HECW2: variants seen among roughly 807,000 people sequenced by gnomAD.
The protein encoded by HECW2 is E3 ubiquitin-protein ligase HECW2.
Under a neutral mutation model 175.2 loss-of-function variants are expected in HECW2, and 61 were observed. The ratio of observed to expected loss-of-function variants is 0.35; its 90% CI spans 0.28 to 0.43. The LOEUF (loss-of-function observed/expected upper bound fraction) is 0.43, where lower values mean the gene tolerates loss of function less well. Ranked by LOEUF, HECW2 falls within the 20% of genes least tolerant of loss-of-function variation. HECW2 has a pLI of 1.00. For missense variants in HECW2, 1,524 were observed against 2,000.5 expected (o/e 0.76, Z 4.54); for synonymous variants, 671 against 731.0 (o/e 0.92, Z 1.32).
chr2:196,580,542 G>A (rs1176302376), intron 1 of HECW2, among the ~76,000 whole-genome samples: 1 of 150,594 alleles, frequency 6.6e-6, no homozygotes, highest in African/African-American at 2.4e-5. Flanking sequence ...ATTCCTCAAA[G>A]AAGATAGTTA....
chr2:196,458,436 T>TCACACA (rs34752264), intron 1 of HECW2, among the ~76,000 whole-genome samples: 88 of 146,906 alleles, frequency 6.0e-4, no homozygotes, highest in East Asian at 8.0e-4. Flanking sequence ...TCTCACTCAC[T>TCACACA]CACACACACA....
At chr2:196,556,692 T>A (rs1212040823) in intron 1 of HECW2, among the ~76,000 whole-genome samples, 1 of 152,170 alleles carries the variant, frequency 6.6e-6, no homozygotes, top group African/African-American at 2.4e-5. Flanking sequence ...ATCTGTGGGA[T>A]TAAAGTACGT....
At chr2:196,528,454 A>T (rs1437073511) in intron 1 of HECW2, among the ~76,000 whole-genome samples, 2 of 152,158 alleles carry the variant, frequency 1.3e-5, no homozygotes, top group African/African-American at 4.8e-5. Flanking sequence ...TTTAAAACTG[A>T]TTTGTTGCCA....
At chr2:196,433,093 T>C (rs1695762709) in intron 2 of HECW2, 39 bp downstream of exon 2, 5 of 1,539,770 alleles carry the variant, frequency 3.2e-6, no homozygotes, top group Middle Eastern at 1.7e-4. Context: ...AAAACTTGTA[T>C]GCTCTGAGTC....
chr2:196,437,375 G>C (rs930282904), intron 1 of HECW2, among the ~76,000 whole-genome samples: 4 of 151,952 alleles, frequency 2.6e-5, no homozygotes, highest in African/African-American at 9.7e-5. Flanking sequence ...ACTTTGGGAG[G>C]CTGAGGCAGT....
intron 1 of HECW2, among the ~76,000 whole-genome samples, chr2:196,561,134 A>C (rs1480190496): frequency 6.6e-6 from 1 of 152,226 alleles, no homozygotes; most frequent in East Asian, 1.9e-4. Flanking sequence ...TTCTTTCCCC[A>C]GTAAGGAATA....
intron 2 of HECW2, among the ~76,000 whole-genome samples, chr2:196,359,572 C>T (rs1693511949): frequency 6.6e-6 from 1 of 152,212 alleles, no homozygotes; most frequent in Admixed American, 6.5e-5. Flanking sequence ...GTTACTTTTA[C>T]ATTGCACCTA....
In HECW2 at chr2:196,337,728, G is replaced by A. The variant is rs549815685; in HGVS notation, c.401-3210C>T. Among the ~76,000 whole-genome samples the A allele has an allele frequency of 1.6e-4, 24 of 151,302 alleles. No individual in the cohort carries two copies. In the East Asian group the frequency reaches 4.5e-3, roughly 28 times the overall value. ...TTTTGAATTCACTAATCGAAAGCAT[G>A]TTGCCTCAGAGGGCAGTGAGCTAGG... is the stretch of plus-strand genomic sequence containing the variant. On this transcript the variant is annotated intron_variant, in intron 3 of 28. Coordinates refer to ENST00000644978, the MANE Select transcript of HECW2 (RefSeq NM_001348768.2).
chr2:196,584,590 A>T (rs79691854), intron 1 of HECW2, among the ~76,000 whole-genome samples: 8 of 2,978 alleles, frequency 2.7e-3, no homozygotes, highest in African/African-American at 0.013. Context: ...CTATAAATTA[A>T]AAAAAAAAAA....
intron 14 of HECW2, chr2:196,289,872 T>G (rs1690541348): frequency 6.6e-6 from 1 of 152,192 alleles, no homozygotes. Flanking sequence ...AATGCTCCTT[T>G]AAGTTATTTT....
chr2:196,529,601 A>T (rs1024126055), intron 1 of HECW2, among the ~76,000 whole-genome samples: 1 of 152,250 alleles, frequency 6.6e-6, no homozygotes, highest in East Asian at 1.9e-4. Flanking sequence ...ATAGATGGCC[A>T]GGGCCTTAGG....
At chr2:196,258,331 C>G (rs1689148649) in intron 17 of HECW2, among the ~76,000 whole-genome samples, 1 of 152,154 alleles carries the variant, frequency 6.6e-6, no homozygotes. Context: ...GAGGCCATAC[C>G]TTTAAGTTGC....
chr2:196,560,215 G>A (rs1575672790), intron 1 of HECW2, among the ~76,000 whole-genome samples: 2 of 152,070 alleles, frequency 1.3e-5, no homozygotes, highest in Admixed American at 6.6e-5. Flanking sequence ...GCGCGATCTC[G>A]GCTCACTGCA....
At chr2:196,575,080 CAAAAAAAAAAA>C (rs1164886570) in intron 1 of HECW2, among the ~76,000 whole-genome samples, 10 of 29,846 alleles carry the variant, frequency 3.4e-4, no homozygotes, top group African/African-American at 1.6e-3. Flanking sequence ...GGCCTTGTCT[CAAAAAAAAAAA>C]AAAAAAAAAA....
At chr2:196,576,572 A>ATAT (rs1690570310) in intron 1 of HECW2, among the ~76,000 whole-genome samples, 1 of 152,182 alleles carries the variant, frequency 6.6e-6, no homozygotes, top group Non-Finnish European at 1.5e-5. Context: ...GAAAATGGGG[A>ATAT]TATATTCGTC....
intron 2 of HECW2, among the ~76,000 whole-genome samples, chr2:196,401,508 T>C (rs1214398551): frequency 6.6e-6 from 1 of 152,184 alleles, no homozygotes; most frequent in African/African-American, 2.4e-5. Flanking sequence ...TTATGAAAAA[T>C]ACAATACTCT....
At chr2:196,296,075 T>TA (rs972004654) in intron 13 of HECW2, among the ~76,000 whole-genome samples, 20 of 151,696 alleles carry the variant, frequency 1.3e-4, no homozygotes, top group East Asian at 7.7e-4. Context: ...TATGTTTCTA[T>TA]AAAAAAAACT....
chr2:196,343,412 G>C (rs1692835368), intron 3 of HECW2, among the ~76,000 whole-genome samples: 1 of 152,106 alleles, frequency 6.6e-6, no homozygotes, highest in Admixed American at 6.5e-5. Flanking sequence ...ACAGTTGGTT[G>C]AATCTGTAGG....
intron 2 of HECW2, among the ~76,000 whole-genome samples, chr2:196,406,677 T>C (rs1575509648): frequency 6.6e-6 from 1 of 152,204 alleles, no homozygotes; most frequent in Non-Finnish European, 1.5e-5. Context: ...CATTTCCACC[T>C]GGCCCGCCAT....
Sources: gnomAD v4.1 joint callset for allele counts (sites outside exome capture counted in the v4.1 genomes callset) on GRCh38, gnomAD v4.1.1 for gene constraint, MANE v1.5 for transcripts, NCBI Gene and HGNC (gene_info 2026-07-23, HGNC 2026-07-21) for gene names.